The following LZTS1 variants were observed in gnomAD, a reference collection of about 807,000 sequenced individuals.
LZTS1 encodes leucine zipper putative tumor suppressor 1.
Under a neutral mutation model 45.8 loss-of-function variants are expected in LZTS1, and 31 were observed. The observed-to-expected ratio is 0.68, with a 90% confidence interval of 0.51 to 0.91. LZTS1 has a LOEUF of 0.91. Among genes scored for constraint, LZTS1 ranks in the 40% least tolerant of loss-of-function variants. LZTS1 has a pLI of 0.00. For synonymous variants in LZTS1, 359 were observed against 357.3 expected (o/e 1.00, Z -0.05); for missense variants, 821 against 788.9 (o/e 1.04, Z -0.49).
rs767915988 is a variant in LZTS1, at chr8:20,250,006, C to G, written c.1507G>C (p.Glu503Gln). The G allele has an allele frequency of 6.2e-6, 10 of 1,612,952 alleles. No individual in the cohort carries two copies. The highest frequency in any genetic ancestry group is 1.6e-4 in the Middle Eastern group (1 of 6,068). ...AGCTCGGCCCGCAGCCGCTCCAGCT[C>G]CCGCTGCAGGGCAGGGACGTCCTCG... ...FPEDVPALQR[E>Q]LERLRAELRE... Residue 503 changes from glutamate to glutamine, a missense_variant, in exon 4 of 4, where the codon GAG becomes CAG. By Grantham distance (29) the Glu-to-Gln change is conservative (BLOSUM62 2). Transcript: ENST00000381569.
chr8:20,273,150 C>T (rs188597434), intron 1 of LZTS1, among the ~76,000 whole-genome samples: 58 of 152,270 alleles, frequency 3.8e-4, no homozygotes, highest in African/African-American at 1.3e-3. Context: ...GACCTCTCGG[C>T]GGCTCTGTCT....
At chr8:20,297,134 A>C (rs1280767167) in intron 1 of LZTS1, among the ~76,000 whole-genome samples, 1 of 152,160 alleles carries the variant, frequency 6.6e-6, no homozygotes, top group African/African-American at 2.4e-5. Flanking sequence ...CTACCAGTGA[A>C]GAGACTGCTA....
intron 1 of LZTS1, among the ~76,000 whole-genome samples, chr8:20,260,872 G>C (rs1800214096): frequency 6.6e-6 from 1 of 152,150 alleles, no homozygotes; most frequent in South Asian, 2.1e-4. Context: ...TTGACACACA[G>C]AGGAGCTTTG....
chr8:20,292,380 A>T (rs1006019007), intron 1 of LZTS1, among the ~76,000 whole-genome samples: 6 of 152,130 alleles, frequency 3.9e-5, no homozygotes, highest in Non-Finnish European at 7.4e-5. Flanking sequence ...GCACCCAGCA[A>T]CCCTTCCATT....
chr8:20,280,092 C>T (rs1800658810), intron 1 of LZTS1, among the ~76,000 whole-genome samples: 1 of 152,142 alleles, frequency 6.6e-6, no homozygotes, highest in Non-Finnish European at 1.5e-5. Flanking sequence ...TTAGGCCATC[C>T]TCCTACACAG....
At chr8:20,286,699 G>GT (rs1258760531) in intron 1 of LZTS1, among the ~76,000 whole-genome samples, 1 of 152,172 alleles carries the variant, frequency 6.6e-6, no homozygotes, top group Admixed American at 6.5e-5. Context: ...AGTTTTGTGC[G>GT]TAAGAGTCCC....
At chr8:20,298,596 C>T (rs1801017059) in intron 1 of LZTS1, among the ~76,000 whole-genome samples, 1 of 152,180 alleles carries the variant, frequency 6.6e-6, no homozygotes, top group South Asian at 2.1e-4. Flanking sequence ...GATGCGGTGG[C>T]TCACACCTAG....
At chr8:20,269,627 G>A (rs971176817) in intron 1 of LZTS1, among the ~76,000 whole-genome samples, 3 of 152,210 alleles carry the variant, frequency 2.0e-5, no homozygotes, top group African/African-American at 7.2e-5. Flanking sequence ...AAGAATCAAT[G>A]GAAACTGAGC....
Position 20,303,805 on chromosome 8 carries a change from C to G in LZTS1, c.-200G>C, listed in dbSNP as rs969939831. 1.0e-6 allele frequency: 1 copy of G among 984,540 alleles called. No individual in the cohort carries two copies. Among genetic ancestry groups the G allele is most frequent in the Non-Finnish European group, 1.2e-6 (1 of 829,746 alleles). 61.0% of individuals were successfully genotyped at this position (984,540 alleles called of 1,614,324 possible). A position where few individuals can be genotyped will look rare whatever the true frequency, so the allele number is the denominator to read the frequency against. ...TTCCCAGTGTTTCCCGGTGTGTTCC[C>G]GTCTCTCTTTTTCCAGAGCTGCTGA... On this transcript the variant is annotated 5_prime_UTR_variant, in exon 1 of 4. Coordinates refer to ENST00000381569, the MANE Select transcript of LZTS1 (RefSeq NM_021020.5).
intron 1 of LZTS1, among the ~76,000 whole-genome samples, chr8:20,269,671 A>C (rs980792158): frequency 1.3e-5 from 2 of 152,192 alleles, no homozygotes; most frequent in Non-Finnish European, 1.5e-5. Flanking sequence ...AGGGGAGTGG[A>C]GCTGCTGTGA....
chr8:20,286,186 C>A (rs951870955), intron 1 of LZTS1, among the ~76,000 whole-genome samples: 1 of 152,164 alleles, frequency 6.6e-6, no homozygotes, highest in African/African-American at 2.4e-5. Context: ...AAGGTCTCAA[C>A]TTGGAATGAA....
chr8:20,265,676 C>CA (rs71222140), intron 1 of LZTS1, among the ~76,000 whole-genome samples: 10,813 of 42,828 alleles, frequency 0.25, 3,397 homozygotes, highest in Middle Eastern at 0.38. Context: ...GACTCTGTCT[C>CA]AAAAAAAAAA....
intron 1 of LZTS1, among the ~76,000 whole-genome samples, chr8:20,267,787 T>C (rs1056637821): frequency 1.3e-5 from 2 of 152,138 alleles, no homozygotes; most frequent in Non-Finnish European, 2.9e-5. Flanking sequence ...AGTGCTGGGA[T>C]TACAGGTGTG....
intron 1 of LZTS1, chr8:20,290,202 C>T (rs564249853): frequency 5.3e-5 from 8 of 152,158 alleles, no homozygotes; most frequent in African/African-American, 1.4e-4. Flanking sequence ...CTGAACACGC[C>T]GGATGTCATC....
intron 1 of LZTS1, among the ~76,000 whole-genome samples, chr8:20,267,683 A>G (rs11786006): frequency 0.39 from 58,540 of 151,892 alleles, 12,001 homozygotes; most frequent in East Asian, 0.45. Flanking sequence ...ATGCCCAGCT[A>G]ATTTTTTTAT....
rs183875203 is a variant in LZTS1, at chr8:20,288,492, C to T, written c.-135+15248G>A. On this transcript the variant is annotated intron_variant, in intron 1 of 3. Coordinates refer to ENST00000381569, the MANE Select transcript of LZTS1 (RefSeq NM_021020.5). The stretch of plus-strand genomic sequence containing the variant: ...TGTGCACTAGGTATGGGACGATGTA[C>T]GACACACACATGATCTGGTGCCTGC... Among the ~76,000 whole-genome samples the T allele has an allele frequency of 9.1e-4, 139 of 152,268 alleles. 2 individuals carry two copies. Among genetic ancestry groups the T allele is most frequent in the African/African-American group, 3.0e-3 (126 of 41,562 alleles).
chr8:20,297,446 G>A (rs1358709103), intron 1 of LZTS1, among the ~76,000 whole-genome samples: 4 of 152,020 alleles, frequency 2.6e-5, no homozygotes, highest in Non-Finnish European at 4.4e-5. Flanking sequence ...ACAGAGTCTC[G>A]CTTTTTAGCC....
Position 20,255,283 on chromosome 8 carries a change from A to G in LZTS1, c.-102T>C. 1 of 1,468,974 alleles carries G rather than the reference A, an allele frequency of 6.8e-7. No homozygotes were observed. Among genetic ancestry groups the G allele is most frequent in the Non-Finnish European group, 9.0e-7 (1 of 1,116,292 alleles). The allele number at this position is 1,468,974 out of a possible 1,614,324, so 91.0% of individuals were successfully genotyped here. A position where few individuals can be genotyped will look rare whatever the true frequency, so the allele number is the denominator to read the frequency against. On this transcript the variant is annotated 5_prime_UTR_variant, in exon 2 of 4. Coordinates refer to ENST00000381569, the MANE Select transcript of LZTS1 (RefSeq NM_021020.5). ...TCCGTGAGGGGACTGAGGTCATAGC[A>G]AAGCCCTCACAGAGCCTGCGAGAGC... is the stretch of plus-strand genomic sequence containing the variant.
rs950417169 is a variant in LZTS1, at chr8:20,292,233, G to A, written c.-135+11507C>T. The stretch of plus-strand genomic sequence containing the variant: ...CAAAGGAACCCCTGGCACCCAGTGT[G>A]TCTGAGATTGAGGGATGTCCCACCT... On this transcript the variant is annotated intron_variant, in intron 1 of 3. Transcript: ENST00000381569. Among the ~76,000 whole-genome samples the A allele has an allele frequency of 1.3e-4, 20 of 152,368 alleles. No homozygotes were observed. The East Asian group carries it at 3.3e-3, about 25-fold the overall frequency.
Sources: gnomAD v4.1 joint callset for allele counts (sites outside exome capture counted in the v4.1 genomes callset) on GRCh38, gnomAD v4.1.1 for gene constraint, MANE v1.5 for transcripts, NCBI Gene and HGNC (gene_info 2026-07-23, HGNC 2026-07-21) for gene names.